FCRL3: variants seen among roughly 807,000 people sequenced by gnomAD.
The protein encoded by FCRL3 is Fc receptor like 3.
Under a neutral mutation model 75.0 loss-of-function variants are expected in FCRL3, and 89 were observed. That is an observed-to-expected ratio of 1.19 (90% confidence interval 1.00 to 1.42). The LOEUF (loss-of-function observed/expected upper bound fraction) is 1.42. Among genes scored for constraint, FCRL3 ranks in the 40% most tolerant of loss-of-function variants. FCRL3 has a pLI of 0.00. For synonymous variants in FCRL3, 376 were observed against 348.5 expected (o/e 1.08, Z -0.88); for missense variants, 946 against 880.0 (o/e 1.07, Z -0.95).
At chr1:157,687,662 C>A (rs937600328) in intron 10 of FCRL3, among the ~76,000 whole-genome samples, 1 of 150,928 alleles carries the variant, frequency 6.6e-6, no homozygotes, top group African/African-American at 2.4e-5. Context: ...AGGCCATAAT[C>A]ATAAACCAAC....
At chr1:157,687,452 A>T (rs1655242759) in intron 10 of FCRL3, among the ~76,000 whole-genome samples, 1 of 123,354 alleles carries the variant, frequency 8.1e-6, no homozygotes. Flanking sequence ...CTCACAAAAA[A>T]ATAAATCATT....
At chr1:157,693,993 GCCCACCTCGGCCT>G (rs1655734483) in intron 8 of FCRL3, among the ~76,000 whole-genome samples, 1 of 151,918 alleles carries the variant, frequency 6.6e-6, no homozygotes, top group Non-Finnish European at 1.5e-5. Context: ...CAAGTGATTT[GCCCACCTCGGCCT>G]CCCAAAATGC....
chr1:157,680,607 T>G, intron 13 of FCRL3, 95 bp downstream of exon 13: 2 of 1,043,908 alleles, frequency 1.9e-6, no homozygotes, highest in South Asian at 2.8e-5. Flanking sequence ...CCTTGCGTGT[T>G]GGGCTTGTAT....
intron 11 of FCRL3, 84 bp downstream of exon 11, chr1:157,683,133 G>T: frequency 6.8e-7 from 1 of 1,474,038 alleles, no homozygotes; most frequent in South Asian, 1.3e-5. Flanking sequence ...GAAATCCATT[G>T]AAATTTAAAA....
chr1:157,677,276 C>T lies in FCRL3; in HGVS notation c.*1434G>A. The T allele has an allele frequency of 1.0e-6, 1 of 991,368 alleles. No individual in the cohort carries two copies. The highest frequency in any genetic ancestry group is 1.7e-5 in the African/African-American group (1 of 57,512). The allele number at this position is 991,368 out of a possible 1,614,324, so 61.4% of individuals were successfully genotyped here. A position where few individuals can be genotyped will look rare whatever the true frequency, so the allele number is the denominator to read the frequency against. ...AAGGGTAGCAGAGTTTATGGTGACC[C>T]TGTAGTGTATCTCCAGAAATGGTGA... On this transcript the variant is annotated 3_prime_UTR_variant, in exon 15 of 15. Coordinates refer to ENST00000368184, the MANE Select transcript of FCRL3 (RefSeq NM_052939.4).
At chr1:157,693,960 C>G (rs1037309505) in intron 8 of FCRL3, among the ~76,000 whole-genome samples, 1 of 152,018 alleles carries the variant, frequency 6.6e-6, no homozygotes, top group Non-Finnish European at 1.5e-5. Flanking sequence ...ATATTGCCCA[C>G]GCTGGTCTCA....
intron 8 of FCRL3, among the ~76,000 whole-genome samples, chr1:157,693,738 C>CTTTT (rs368874558): frequency 2.6e-5 from 2 of 77,950 alleles, no homozygotes; most frequent in Non-Finnish European, 5.6e-5. Context: ...CTCTCTCTCT[C>CTTTT]TCTCTCTTTC....
chr1:157,692,537 A>C (rs145953507), intron 8 of FCRL3, among the ~76,000 whole-genome samples: 3 of 152,310 alleles, frequency 2.0e-5, no homozygotes, highest in Non-Finnish European at 4.4e-5. Flanking sequence ...TGCCTGGCCA[A>C]ATCATAAAAG....
rs1655395976 is a variant in FCRL3, at chr1:157,689,796, A to T, written c.1810+2T>A. On this transcript the variant is annotated splice_donor_variant, in intron 10 of 14. Transcript: ENST00000368184. LOFTEE classifies it high-confidence loss of function. Reference sequence around the variant, plus strand: ...ATCACAAGGTAGGACCTAGACACCCACCTGGTTTCCTTCGGGCCCTGGCGT... The same window carrying T: ...ATCACAAGGTAGGACCTAGACACCCTCCTGGTTTCCTTCGGGCCCTGGCGT... The T allele has an allele frequency of 1.2e-6, 2 of 1,614,140 alleles. No homozygotes were observed. The highest frequency in any genetic ancestry group is 8.5e-7 in the Non-Finnish European group (1 of 1,180,016).
chr1:157,691,292 C>T (rs1360973746), intron 8 of FCRL3, among the ~76,000 whole-genome samples: 3 of 152,100 alleles, frequency 2.0e-5, no homozygotes, highest in Non-Finnish European at 4.4e-5. Flanking sequence ...CCCTTAATAT[C>T]GAATGTTAAC....
In FCRL3 at chr1:157,697,201, C is replaced by T. The variant is rs1274026576; in HGVS notation, c.783G>A (p.Glu261=). 6.4e-7 allele frequency: 1 copy of T among 1,571,936 alleles called. No individual in the cohort carries two copies. The highest frequency in any genetic ancestry group is 8.6e-7 in the Non-Finnish European group (1 of 1,158,096). The change falls in exon 6 of 15, where the codon GAG becomes GAA. Residue 261 remains glutamate, a synonymous_variant. Coordinates refer to ENST00000368184, the MANE Select transcript of FCRL3 (RefSeq NM_052939.4). ...WTEDSGSYWC[E]VETVTHSIKK... is the part of the protein sequence containing the mutation. ...TGATGCTGTGAGTCACTGTCTCCACCTCACACCAGTAAGACCCTGAGTCTT... is the reference window on the plus strand; with the variant it reads ...TGATGCTGTGAGTCACTGTCTCCACTTCACACCAGTAAGACCCTGAGTCTT...
chr1:157,697,068 G>C, intron 6 of FCRL3, 72 bp downstream of exon 6: 1 of 1,311,326 alleles, frequency 7.6e-7, no homozygotes, highest in Non-Finnish European at 9.9e-7. Context: ...ACCATCCTAG[G>C]GGTGCAGGAG....
In FCRL3 at chr1:157,690,531, G is replaced by A; in HGVS notation, c.1414C>T (p.Pro472Ser). Residue 472 changes from proline to serine, a missense_variant and splice_region_variant, in exon 9 of 15, where the codon CCG becomes TCG. Transcript: ENST00000368184. Reference protein sequence around the residue: ...SHGVSLRVTVPVSRPVLTLRA... With the variant: ...SHGVSLRVTVSVSRPVLTLRA... ...AGGGTGAGGACGGGGCGAGACACCG[G>A]AACTGAGGGAGGAAAAATAGTTCAC... is the stretch of plus-strand genomic sequence containing the variant. 6.2e-7 allele frequency: 1 copy of A among 1,613,216 alleles called. No individual in the cohort carries two copies. The highest frequency in any genetic ancestry group is 8.5e-7 in the Non-Finnish European group (1 of 1,179,602).
chr1:157,682,102 C>T (rs1654890736), intron 11 of FCRL3, among the ~76,000 whole-genome samples: 1 of 151,876 alleles, frequency 6.6e-6, no homozygotes, highest in East Asian at 1.9e-4. Context: ...TTGTTTTTTT[C>T]TTGTAAATTT....
chr1:157,700,610 AGAG>A, intron 1 of FCRL3, 25 bp from the exon 2 acceptor site: 1 of 1,568,596 alleles, frequency 6.4e-7, no homozygotes, highest in Non-Finnish European at 8.6e-7. Context: ...AAAGGGAAGA[AGAG>A]CTTAGTGTCA....
chr1:157,696,593 T>C, intron 6 of FCRL3: 1 of 468,942 alleles, frequency 2.1e-6, no homozygotes, highest in Non-Finnish European at 3.8e-6. Context: ...TTTATATGCA[T>C]TTATCTCTAA....
At position 157,683,205 on chromosome 1, in the gene FCRL3, C is replaced by A. The variant is rs775962948; in HGVS notation, c.1838+12G>T. 2 of 1,612,068 alleles carry A rather than the reference C, an allele frequency of 1.2e-6. No individual in the cohort carries two copies. Among genetic ancestry groups the A allele is most frequent in the South Asian group, 1.1e-5 (1 of 90,668 alleles). The stretch of plus-strand genomic sequence containing the variant: ...ATGAAAATGTTGGCAGCACAAGAAG[C>A]AGAGACCTCACCTAGATGTTCCAGT... On this transcript the variant is annotated intron_variant, in intron 11 of 14. Coordinates refer to ENST00000368184, the MANE Select transcript of FCRL3 (RefSeq NM_052939.4).
At chr1:157,679,664 AC>A (rs1654695083) in intron 13 of FCRL3, among the ~76,000 whole-genome samples, 1 of 151,890 alleles carries the variant, frequency 6.6e-6, no homozygotes, top group African/African-American at 2.4e-5. Context: ...CCCTGTCTCT[AC>A]TAAAAATACA....
intron 13 of FCRL3, among the ~76,000 whole-genome samples, chr1:157,679,510 T>G (rs1654685278): frequency 1.3e-5 from 2 of 152,114 alleles, no homozygotes; most frequent in African/African-American, 4.8e-5. Context: ...AAATTTAGTG[T>G]GTGTGTATGT....
Sources: gnomAD v4.1 joint callset for allele counts (sites outside exome capture counted in the v4.1 genomes callset) on GRCh38, gnomAD v4.1.1 for gene constraint, MANE v1.5 for transcripts, NCBI Gene and HGNC (gene_info 2026-07-23, HGNC 2026-07-21) for gene names.